Variants in CSMD1 observed in about 807,000 individuals in gnomAD.
CSMD1 encodes CUB and Sushi multiple domains 1.
Under a neutral mutation model 417.5 loss-of-function variants are expected in CSMD1, and 213 were observed. The ratio of observed to expected loss-of-function variants is 0.51; its 90% confidence interval spans 0.46 to 0.57. The LOEUF (loss-of-function observed/expected upper bound fraction) is 0.57, where lower values mean the gene tolerates loss of function less well. CSMD1 is among the 20% of genes least tolerant of loss of function. The pLI is 0.00. For missense variants in CSMD1, 6,923 were observed against 4,529.7 expected, an observed-to-expected ratio of 1.53 and a Z score of -15.17; for synonymous variants, 2,862 against 1,736.8, an observed-to-expected ratio of 1.65 and a Z score of -16.11.
chr8:3,584,099 A>G (rs1009236532), intron 9 of CSMD1, among the ~76,000 whole-genome samples: 1 of 152,200 alleles, frequency 6.6e-6, no homozygotes, highest in African/African-American at 2.4e-5. Flanking sequence ...TACTTCAAAT[A>G]CATTTTTACT....
intron 5 of CSMD1, among the ~76,000 whole-genome samples, chr8:3,858,517 A>G (rs1021287175): frequency 4.3e-4 from 65 of 152,310 alleles, no homozygotes; most frequent in Non-Finnish European, 2.5e-4. Context: ...GGCCTACTTA[A>G]TTTTGAATAA....
At chr8:3,692,169 A>C (rs1424987753) in intron 7 of CSMD1, among the ~76,000 whole-genome samples, 1 of 152,198 alleles carries the variant, frequency 6.6e-6, no homozygotes, top group Non-Finnish European at 1.5e-5. Flanking sequence ...TGGCCCTACA[A>C]CATTGTTTCT....
At chr8:4,215,347 G>A (rs1237308662) in intron 3 of CSMD1, among the ~76,000 whole-genome samples, 1 of 152,094 alleles carries the variant, frequency 6.6e-6, no homozygotes, top group Non-Finnish European at 1.5e-5. Flanking sequence ...TCCACAGATG[G>A]CACTTCCTTT....
rs556287591 is a variant in CSMD1 at position 4,235,439 on chromosome 8, C to T, written c.415+184514G>A. On this transcript the variant is annotated intron_variant, in intron 3 of 69. Transcript: ENST00000635120. ...AATGCTCTAAAGGCTATGTAGTATG[C>T]CATGTCCACAAGTACCTGCTGAGTG... Among the ~76,000 whole-genome samples the T allele has an allele frequency of 1.1e-4, 16 of 151,722 alleles. No individual in the cohort carries two copies. In the South Asian group the frequency reaches 3.3e-3, roughly 32 times the overall value.
chr8:2,991,806 T>C (rs759096150), intron 54 of CSMD1, among the ~76,000 whole-genome samples: 29 of 152,324 alleles, frequency 1.9e-4, no homozygotes, highest in Middle Eastern at 3.4e-3. Context: ...ACTGCAGTAG[T>C]CATGGACAGT....
intron 31 of CSMD1, among the ~76,000 whole-genome samples, chr8:3,202,170 G>GA (rs1563138088): frequency 6.6e-6 from 1 of 151,296 alleles, no homozygotes; most frequent in Non-Finnish European, 1.5e-5. Flanking sequence ...TCTGTCTCAA[G>GA]AAAAAAAAGA....
Position 4,492,464 on chromosome 8 carries a change from G to T in CSMD1, c.303-72399C>A, listed in dbSNP as rs184771201. Among the ~76,000 whole-genome samples, 111 of 152,306 alleles carry T rather than the reference G, an allele frequency of 7.3e-4. 1 individual carries two copies. Among genetic ancestry groups the T allele is most frequent in the Non-Finnish European group, 4.9e-4 (33 of 68,030 alleles). On this transcript the variant is annotated intron_variant, in intron 2 of 69. Transcript: ENST00000635120. ...TATATTTTACATCACAAGTAAACAT[G>T]AGCTTAGATTCCTCAGTATATATAA... is the stretch of plus-strand genomic sequence containing the variant.
chr8:3,382,107 A>G (rs947535645), intron 18 of CSMD1, among the ~76,000 whole-genome samples: 11 of 151,990 alleles, frequency 7.2e-5, no homozygotes, highest in African/African-American at 2.7e-4. Context: ...AAAAATACAA[A>G]AATTAGCTGG....
At chr8:3,975,549 C>T (rs1231143043) in intron 5 of CSMD1, among the ~76,000 whole-genome samples, 1 of 152,140 alleles carries the variant, frequency 6.6e-6, no homozygotes, top group African/African-American at 2.4e-5. Flanking sequence ...CTCCCACTGT[C>T]GGGATGACGG....
At chr8:4,844,886 C>T (rs1324963683) in intron 1 of CSMD1, among the ~76,000 whole-genome samples, 1 of 152,072 alleles carries the variant, frequency 6.6e-6, no homozygotes, top group East Asian at 1.9e-4. Context: ...TAACAGTACC[C>T]CCACAGTATA....
Position 4,535,664 on chromosome 8 carries a change from T to C in CSMD1, c.302+101678A>G, listed in dbSNP as rs184913507. ...TTCATGATTTGCCAAAGACCTTGAT[T>C]CAGCCATTTTCTGAGGAGCCCTGAT... On this transcript the variant is annotated intron_variant, in intron 2 of 69. Coordinates refer to ENST00000635120, the MANE Select transcript of CSMD1 (RefSeq NM_033225.6). 2.4e-3 allele frequency among the ~76,000 whole-genome samples: 369 copies of C among 152,304 alleles called. 2 individuals carry two copies. The highest frequency in any genetic ancestry group is 2.8e-3 in the Non-Finnish European group (193 of 68,008).
At chr8:4,816,193 C>G (rs1025252485) in intron 1 of CSMD1, among the ~76,000 whole-genome samples, 1 of 150,270 alleles carries the variant, frequency 6.7e-6, no homozygotes, top group Non-Finnish European at 1.5e-5. Flanking sequence ...TTGTTATTTG[C>G]TTTTTTTTTG....
At chr8:4,591,139 A>G (rs2130732071) in intron 2 of CSMD1, among the ~76,000 whole-genome samples, 1 of 152,304 alleles carries the variant, frequency 6.6e-6, no homozygotes, top group Middle Eastern at 3.4e-3. Context: ...TGAATGCATC[A>G]TTTCTTCAGT....
chr8:3,764,964 C>T (rs2623646), intron 5 of CSMD1, among the ~76,000 whole-genome samples: 10,702 of 151,798 alleles, frequency 0.071, 427 homozygotes, highest in East Asian at 0.15. Context: ...AGGCTGGTCT[C>T]GAACTCCTGA....
At chr8:4,398,711 C>T (rs907372967) in intron 3 of CSMD1, among the ~76,000 whole-genome samples, 15 of 152,178 alleles carry the variant, frequency 9.9e-5, no homozygotes, top group African/African-American at 3.4e-4. Flanking sequence ...CAACATTTAG[C>T]TACAGCTTTC....
At chr8:4,430,477 G>A (rs2128946625) in intron 2 of CSMD1, among the ~76,000 whole-genome samples, 1 of 152,054 alleles carries the variant, frequency 6.6e-6, no homozygotes, top group South Asian at 2.1e-4. Flanking sequence ...TAATAGACAT[G>A]GTATATCATA....
chr8:4,135,573 G>A (rs1036632920), intron 3 of CSMD1, among the ~76,000 whole-genome samples: 1 of 152,064 alleles, frequency 6.6e-6, no homozygotes, highest in Non-Finnish European at 1.5e-5. Flanking sequence ...AAGAAGAAAT[G>A]AGTTTTGATT....
intron 10 of CSMD1, among the ~76,000 whole-genome samples, chr8:3,504,818 C>T (rs958753829): frequency 8.5e-5 from 13 of 152,196 alleles, no homozygotes; most frequent in Non-Finnish European, 1.6e-4. Flanking sequence ...AGGTGAGATT[C>T]ATTAAATTTC....
In CSMD1 at chr8:4,471,891, G is replaced by A. The variant is rs112050891; in HGVS notation, c.303-51826C>T. On this transcript the variant is annotated intron_variant, in intron 2 of 69. Transcript: ENST00000635120. ...CAAAAAATGGTGTTTCCAGTGGGTA[G>A]GCTACAAAGGTGTTTCCAATGATTA... Among the ~76,000 whole-genome samples, 1,122 of 152,192 alleles carry A rather than the reference G, an allele frequency of 7.4e-3. 14 individuals are homozygous for A. The highest frequency in any genetic ancestry group is 0.025 in the African/African-American group (1,040 of 41,532).
Sources: gnomAD v4.1 joint callset for allele counts (sites outside exome capture counted in the v4.1 genomes callset) on GRCh38, gnomAD v4.1.1 for gene constraint, MANE v1.5 for transcripts, NCBI Gene and HGNC (gene_info 2026-07-23, HGNC 2026-07-21) for gene names.